Variants in FBXL18 observed in about 807,000 individuals in gnomAD.
FBXL18 encodes F-box and leucine rich repeat protein 18, also known as F-box/LRR-repeat protein 18.
A neutral mutation model predicts 46.0 loss-of-function variants in FBXL18; 36 were observed. That is an observed-to-expected ratio of 0.78 (90% CI 0.60 to 1.03). FBXL18 has a LOEUF of 1.03. Ranked by LOEUF, FBXL18 falls within the 50% of genes least tolerant of loss-of-function variation. The probability of loss-of-function intolerance (pLI) is 0.00; values close to 1 mark genes in which losing one functional copy is unlikely to be tolerated. For synonymous variants in FBXL18, 557 were observed against 465.3 expected (o/e 1.20, Z -2.54); for missense variants, 977 against 1,004.1 (o/e 0.97, Z 0.36).
At chr7:5,469,628 A>G (rs1783397410) in intron 4 of FBXL18, among the ~76,000 whole-genome samples, 3 of 150,996 alleles carry the variant, frequency 2.0e-5, no homozygotes, top group Non-Finnish European at 4.4e-5. Flanking sequence ...TGTGAGTGTG[A>G]GCGTGCAAGG....
chr7:5,490,919 A>G (rs1783904830), intron 4 of FBXL18, among the ~76,000 whole-genome samples: 1 of 152,256 alleles, frequency 6.6e-6, no homozygotes, highest in Non-Finnish European at 1.5e-5. Context: ...AGATTTCGCC[A>G]CTACACTCCA....
rs181525460 is a variant in FBXL18 at position 5,513,792 on chromosome 7, C to G, written c.-118G>C. 7.1e-7 allele frequency: 1 copy of G among 1,413,758 alleles called. No individual in the cohort carries two copies. Among genetic ancestry groups the G allele is most frequent in the Non-Finnish European group, 9.5e-7 (1 of 1,048,750 alleles). The allele number at this position is 1,413,758 out of a possible 1,614,324, so 87.6% of individuals were successfully genotyped here. ...GCTCAACCGAGACCCCGGCAAGGAG[C>G]GGGCTCTCGTCACTTCCGGCGCCCG... is the stretch of plus-strand genomic sequence containing the variant. On this transcript the variant is annotated 5_prime_UTR_variant, in exon 1 of 5. Coordinates refer to ENST00000382368, the MANE Select transcript of FBXL18 (RefSeq NM_024963.6).
At chr7:5,507,777 G>T (rs972597299) in intron 1 of FBXL18, among the ~76,000 whole-genome samples, 2 of 151,764 alleles carry the variant, frequency 1.3e-5, no homozygotes, top group South Asian at 4.2e-4. Context: ...GAGATTGCAG[G>T]GAGCCAAGAT....
intron 4 of FBXL18, among the ~76,000 whole-genome samples, chr7:5,486,251 CAAAAA>C (rs1160606876): frequency 2.8e-5 from 2 of 71,828 alleles, no homozygotes; most frequent in African/African-American, 6.0e-5. Flanking sequence ...AACTCCATCT[CAAAAA>C]AAAAAAAAAA....
At chr7:5,483,872 G>A (rs183456529) in intron 4 of FBXL18, among the ~76,000 whole-genome samples, 93 of 152,280 alleles carry the variant, frequency 6.1e-4, no homozygotes, top group African/African-American at 2.0e-3. Context: ...CGGCCACAGC[G>A]GCCACTTAAA....
intron 3 of FBXL18, among the ~76,000 whole-genome samples, chr7:5,494,888 T>G (rs1375982230): frequency 6.7e-6 from 1 of 149,506 alleles, no homozygotes; most frequent in Non-Finnish European, 1.5e-5. Flanking sequence ...AAACCTTTTT[T>G]CCACGAGATA....
downstream of FBXL18, among the ~76,000 whole-genome samples, chr7:5,471,145 A>G (rs1014570120): frequency 6.6e-6 from 1 of 152,198 alleles, no homozygotes; most frequent in Admixed American, 6.5e-5. Flanking sequence ...CCGTCACGCC[A>G]TCTCCACTAT....
chr7:5,466,278 A>T (rs148221438), intron 4 of FBXL18, among the ~76,000 whole-genome samples: 228 of 152,304 alleles, frequency 1.5e-3, no homozygotes, highest in African/African-American at 5.2e-3. Context: ...ATGCAGGTTA[A>T]ATCTCTTACA....
chr7:5,467,004 G>A (rs1783350322), intron 4 of FBXL18, among the ~76,000 whole-genome samples: 1 of 152,038 alleles, frequency 6.6e-6, no homozygotes, highest in Non-Finnish European at 1.5e-5. Context: ...ATCACCTGAC[G>A]TCAGGAGTTC....
intron 1 of FBXL18, among the ~76,000 whole-genome samples, chr7:5,508,923 G>A (rs1304254942): frequency 6.6e-6 from 1 of 152,212 alleles, no homozygotes. Context: ...CTGTAATGCT[G>A]TGCTCACGCC....
At chr7:5,465,036 C>T (rs995361833) in intron 4 of FBXL18, among the ~76,000 whole-genome samples, 2 of 152,090 alleles carry the variant, frequency 1.3e-5, no homozygotes, top group African/African-American at 4.8e-5. Context: ...GCACTCCAGC[C>T]TGGGCGACAG....
At chr7:5,505,211 C>T (rs1784364216) in intron 2 of FBXL18, among the ~76,000 whole-genome samples, 1 of 152,090 alleles carries the variant, frequency 6.6e-6, no homozygotes, top group Admixed American at 6.6e-5. Flanking sequence ...CATCTGCACC[C>T]TCCTCCCCAG....
chr7:5,490,310 C>T lies in FBXL18; in HGVS notation c.2000+921G>A. ...GCCCTGATCACTCCAGCAGTCAGCC[C>T]GTCCTCCTGAGAGGTCTTGAAATGC... On this transcript the variant is annotated intron_variant, in intron 4 of 4. Transcript: ENST00000382368. 28 of 1,159,368 alleles carry T rather than the reference C, an allele frequency of 2.4e-5. 1 individual carries two copies. In the South Asian group the frequency reaches 2.9e-4, roughly 12 times the overall value. The allele number at this position is 1,159,368 out of a possible 1,614,324, so 71.8% of individuals were successfully genotyped here.
Position 5,510,852 on chromosome 7 carries a change from G to T in FBXL18, c.18+2805C>A, listed in dbSNP as rs534750448. Reference sequence around the variant, plus strand: ...CCCAACCAGGCACCTCATTCCTGGGGTCTCCTGAAATTCCAATTCTGGTGT... The same window carrying T: ...CCCAACCAGGCACCTCATTCCTGGGTTCTCCTGAAATTCCAATTCTGGTGT... On this transcript the variant is annotated intron_variant, in intron 1 of 4. Coordinates refer to ENST00000382368, the MANE Select transcript of FBXL18 (RefSeq NM_024963.6). 2.6e-5 allele frequency among the ~76,000 whole-genome samples: 4 copies of T among 152,210 alleles called. No homozygotes were observed. The South Asian group carries it at 8.3e-4, about 32-fold the overall frequency.
downstream of FBXL18, among the ~76,000 whole-genome samples, chr7:5,471,143 C>G (rs1174901120): frequency 1.3e-5 from 2 of 152,222 alleles, no homozygotes; most frequent in Non-Finnish European, 2.9e-5. Flanking sequence ...TTCCGTCACG[C>G]CATCTCCACT....
At chr7:5,494,985 C>T (rs1784038250) in intron 3 of FBXL18, among the ~76,000 whole-genome samples, 2 of 152,224 alleles carry the variant, frequency 1.3e-5, no homozygotes, top group African/African-American at 4.8e-5. Context: ...ACTGGTCAGG[C>T]AGCGGGCCTG....
At chr7:5,506,387 T>A (rs1784396009) in intron 1 of FBXL18, among the ~76,000 whole-genome samples, 1 of 151,954 alleles carries the variant, frequency 6.6e-6, no homozygotes, top group South Asian at 2.1e-4. Flanking sequence ...TACGTGGGAT[T>A]ACAGGCGACT....
At position 5,505,462 on chromosome 7, in the gene FBXL18, A is replaced by G; in HGVS notation, c.187T>C (p.Cys63Arg). The change falls in exon 2 of 5, where the codon TGC (cysteine) becomes CGC (arginine). Residue 63 changes from cysteine to arginine, a missense_variant. By Grantham distance (180) the Cys-to-Arg change is radical. Coordinates refer to ENST00000382368, the MANE Select transcript of FBXL18 (RefSeq NM_024963.6). ...GTGTGGATGAGGCTCTTGTCAAGGC[A>G]CAGGGCTGCAAGCTTCCGACAGGTA... The part of the protein sequence containing the change: ...RRTCRKLAAL[C>R]LDKSLIHTVL... 1 of 1,614,158 alleles carries G rather than the reference A, an allele frequency of 6.2e-7. No individual in the cohort carries two copies. Among genetic ancestry groups the G allele is most frequent in the Non-Finnish European group, 8.5e-7 (1 of 1,180,030 alleles).
chr7:5,497,746 C>T (rs1337108734), intron 3 of FBXL18, among the ~76,000 whole-genome samples: 4 of 152,230 alleles, frequency 2.6e-5, no homozygotes, highest in African/African-American at 4.8e-5. Context: ...TCAGCTCCCC[C>T]TGAGCTCCCA....
Sources: allele counts gnomAD v4.1 joint callset (sites outside exome capture counted in the v4.1 genomes callset), GRCh38; gene constraint gnomAD v4.1.1; transcripts MANE v1.5; gene names NCBI Gene and HGNC (gene_info 2026-07-23, HGNC 2026-07-21).